The following DPP10 variants were observed in gnomAD, a reference collection of about 807,000 sequenced individuals.
The protein encoded by DPP10 is dipeptidyl peptidase like 10, also known as inactive dipeptidyl peptidase 10.
In DPP10, 33 loss-of-function variants were observed where a neutral mutation model predicts 120.9. The ratio of observed to expected loss-of-function variants is 0.27; its 90% CI spans 0.21 to 0.37. DPP10 has a LOEUF of 0.37. Among genes scored for constraint, DPP10 ranks in the 10% least tolerant of loss-of-function variants. The pLI is 1.00. For synonymous variants in DPP10, 337 were observed against 326.1 expected (o/e 1.03, Z -0.36); for missense variants, 816 against 942.8 (o/e 0.87, Z 1.76).
intron 5 of DPP10, among the ~76,000 whole-genome samples, chr2:115,588,605 C>T (rs1244675118): frequency 6.6e-6 from 1 of 152,186 alleles, no homozygotes; most frequent in African/African-American, 2.4e-5. Flanking sequence ...GTGTTGCACA[C>T]ACAGGAAACA....
intron 1 of DPP10, among the ~76,000 whole-genome samples, chr2:114,506,021 A>G (rs1330256616): frequency 1.3e-5 from 2 of 152,246 alleles, no homozygotes; most frequent in African/African-American, 4.8e-5. Flanking sequence ...AATACAAATA[A>G]TAGAGATAGG....
intron 3 of DPP10, among the ~76,000 whole-genome samples, chr2:115,412,065 G>A (rs186196883): frequency 2.3e-3 from 344 of 152,278 alleles, no homozygotes; most frequent in African/African-American, 7.7e-3. Context: ...ATGGTGCTAG[G>A]TTTTAAAGAT....
intron 3 of DPP10, among the ~76,000 whole-genome samples, chr2:115,429,914 G>A (rs1261553644): frequency 3.9e-5 from 6 of 152,126 alleles, no homozygotes; most frequent in Non-Finnish European, 8.8e-5. Flanking sequence ...AAATGTATAT[G>A]AGCAACCTGG....
At chr2:115,831,076 G>A (rs78644357) in intron 21 of DPP10, among the ~76,000 whole-genome samples, 2,872 of 152,190 alleles carry the variant, frequency 0.019, 84 homozygotes, top group African/African-American at 0.064. Flanking sequence ...TAAAATGTGA[G>A]TGATTATGTT....
chr2:114,741,281 A>G (rs922822172), intron 1 of DPP10, among the ~76,000 whole-genome samples: 1 of 152,208 alleles, frequency 6.6e-6, no homozygotes, highest in Non-Finnish European at 1.5e-5. Context: ...CAGAAGAAAG[A>G]TAAATAATGT....
chr2:114,863,993 T>A (rs2106539047), intron 1 of DPP10, among the ~76,000 whole-genome samples: 1 of 152,234 alleles, frequency 6.6e-6, no homozygotes, highest in Non-Finnish European at 1.5e-5. Flanking sequence ...CTTTGTTTTG[T>A]TTAGGGGATA....
At chr2:114,781,882 G>GCA (rs1682360522) in intron 1 of DPP10, among the ~76,000 whole-genome samples, 1 of 152,098 alleles carries the variant, frequency 6.6e-6, no homozygotes, top group Non-Finnish European at 1.5e-5. Flanking sequence ...CTCCTCACAT[G>GCA]CATCTTCTAA....
intron 3 of DPP10, among the ~76,000 whole-genome samples, chr2:115,429,351 T>C (rs1366824907): frequency 1.3e-5 from 2 of 152,154 alleles, no homozygotes; most frequent in African/African-American, 4.8e-5. Context: ...CTCACAAGGC[T>C]ATGTAAAATT....
At chr2:115,039,071 C>G (rs1704444164) in intron 1 of DPP10, among the ~76,000 whole-genome samples, 1 of 152,130 alleles carries the variant, frequency 6.6e-6, no homozygotes, top group South Asian at 2.1e-4. Context: ...GGCACATGGA[C>G]AGAGAAGGAC....
At chr2:115,000,636 TTC>T (rs1366086041) in intron 1 of DPP10, among the ~76,000 whole-genome samples, 1 of 152,202 alleles carries the variant, frequency 6.6e-6, no homozygotes, top group East Asian at 1.9e-4. Flanking sequence ...AGCTCTTCAT[TTC>T]TGTTTGTTGC....
intron 1 of DPP10, among the ~76,000 whole-genome samples, chr2:115,121,522 G>C (rs2049823288): frequency 6.6e-6 from 1 of 152,216 alleles, no homozygotes; most frequent in Admixed American, 6.5e-5. Context: ...TTGGATTGGA[G>C]CCTGGCCCAG....
In DPP10 at chr2:115,027,978, C is replaced by T. The variant is rs564716750; in HGVS notation, c.61-281261C>T. On this transcript the variant is annotated intron_variant, in intron 1 of 25. Transcript: ENST00000410059. The stretch of plus-strand genomic sequence containing the variant: ...GTCTCCTTTTTCATTTCTAATTTTA[C>T]TTAATTGGGTCTACTCTTTTAATCT... 1.3e-3 allele frequency among the ~76,000 whole-genome samples: 205 copies of T among 152,020 alleles called. 7 individuals carry two copies. In the South Asian group the frequency reaches 0.042, roughly 31 times the overall value.
chr2:114,854,276 A>G (rs1689198343), intron 1 of DPP10, among the ~76,000 whole-genome samples: 1 of 152,212 alleles, frequency 6.6e-6, no homozygotes, highest in African/African-American at 2.4e-5. Flanking sequence ...GTTGTCAATA[A>G]TGTTAGATTT....
intron 1 of DPP10, among the ~76,000 whole-genome samples, chr2:114,911,451 A>G (rs1037334096): frequency 1.3e-5 from 2 of 152,244 alleles, no homozygotes; most frequent in African/African-American, 4.8e-5. Flanking sequence ...CTCCCAGATC[A>G]TAGATGAACA....
intron 13 of DPP10, among the ~76,000 whole-genome samples, chr2:115,772,310 T>C (rs1381130534): frequency 6.6e-6 from 1 of 152,178 alleles, no homozygotes; most frequent in African/African-American, 2.4e-5. Context: ...ATGATAGATG[T>C]CACTGTATAT....
intron 3 of DPP10, among the ~76,000 whole-genome samples, chr2:115,398,429 A>G (rs2067837794): frequency 6.6e-6 from 1 of 152,164 alleles, no homozygotes; most frequent in African/African-American, 2.4e-5. Context: ...TGTGTTTAAG[A>G]AAATTGCTTG....
intron 5 of DPP10, among the ~76,000 whole-genome samples, chr2:115,533,142 C>T (rs952824870): frequency 1.3e-5 from 2 of 152,028 alleles, no homozygotes; most frequent in Non-Finnish European, 2.9e-5. Flanking sequence ...TTTCTTAATA[C>T]ATCTTATGTT....
chr2:115,418,326 G>GGGT (rs2069615832), intron 3 of DPP10, among the ~76,000 whole-genome samples: 1 of 152,156 alleles, frequency 6.6e-6, no homozygotes, highest in South Asian at 2.1e-4. Flanking sequence ...GTATTAATCA[G>GGGT]GGTTCTTCAG....
intron 3 of DPP10, among the ~76,000 whole-genome samples, chr2:115,474,065 T>C (rs776211662): frequency 5.9e-5 from 9 of 152,174 alleles, no homozygotes; most frequent in Non-Finnish European, 1.2e-4. Flanking sequence ...CAGGAATGAC[T>C]CAATCCTGTC....
Sources: allele counts gnomAD v4.1 joint callset (sites outside exome capture counted in the v4.1 genomes callset), GRCh38; gene constraint gnomAD v4.1.1; transcripts MANE v1.5; gene names NCBI Gene and HGNC (gene_info 2026-07-23, HGNC 2026-07-21).